KCNH5: variants seen among roughly 807,000 people sequenced by gnomAD.
KCNH5 encodes the protein potassium voltage-gated channel subfamily H member 5, also known as voltage-gated delayed rectifier potassium channel KCNH5.
KCNH5 carries 46 observed loss-of-function variants against 96.1 expected under a neutral mutation model. The observed-to-expected ratio is 0.48, with a 90% CI of 0.38 to 0.61. The LOEUF (loss-of-function observed/expected upper bound fraction) is 0.61. KCNH5 is among the 20% of genes least tolerant of loss of function. The probability of loss-of-function intolerance (pLI) is 0.00; values close to 1 mark genes in which losing one functional copy is unlikely to be tolerated. For synonymous variants in KCNH5, 439 were observed against 449.8 expected (o/e 0.98, Z 0.30); for missense variants, 907 against 1,225.8 (o/e 0.74, Z 3.88).
At chr14:62,963,270 G>A (rs1449936398) in intron 6 of KCNH5, among the ~76,000 whole-genome samples, 2 of 152,076 alleles carry the variant, frequency 1.3e-5, no homozygotes, top group African/African-American at 4.8e-5. Flanking sequence ...GTCTGTATAG[G>A]AGAAAGCATA....
chr14:62,861,637 TAC>T (rs142699720), intron 7 of KCNH5, among the ~76,000 whole-genome samples: 11,784 of 141,674 alleles, frequency 0.083, 731 homozygotes, highest in African/African-American at 0.18. Flanking sequence ...CATCTCCATT[TAC>T]ACACACACAC....
At chr14:62,770,857 T>C (rs922564001) in intron 10 of KCNH5, among the ~76,000 whole-genome samples, 4 of 152,214 alleles carry the variant, frequency 2.6e-5, no homozygotes, top group African/African-American at 9.6e-5. Flanking sequence ...TAAAACTTGG[T>C]TGTTACAGAC....
At chr14:62,976,236 T>C (rs1460891743) in intron 6 of KCNH5, among the ~76,000 whole-genome samples, 1 of 151,536 alleles carries the variant, frequency 6.6e-6, no homozygotes, top group Non-Finnish European at 1.5e-5. Context: ...CTGTCTCTAC[T>C]AAAAATACAA....
At chr14:62,840,302 G>A (rs911627731) in intron 8 of KCNH5, among the ~76,000 whole-genome samples, 8 of 152,028 alleles carry the variant, frequency 5.3e-5, no homozygotes, top group African/African-American at 1.7e-4. Context: ...GAGAAATAAG[G>A]AAGGTTGCTA....
intron 10 of KCNH5, among the ~76,000 whole-genome samples, chr14:62,752,097 C>T (rs1258257251): frequency 1.3e-5 from 2 of 152,170 alleles, no homozygotes; most frequent in African/African-American, 4.8e-5. Flanking sequence ...TCTCTCCTCC[C>T]CAAGTCCTGA....
intron 1 of KCNH5, among the ~76,000 whole-genome samples, chr14:63,036,379 G>A (rs771896530): frequency 6.6e-6 from 1 of 152,036 alleles, no homozygotes; most frequent in Non-Finnish European, 1.5e-5. Context: ...GAAAGCTAAG[G>A]ACTGATAATC....
intron 6 of KCNH5, among the ~76,000 whole-genome samples, chr14:62,951,340 A>G (rs188531629): frequency 4.1e-4 from 62 of 152,348 alleles, no homozygotes; most frequent in Non-Finnish European, 6.8e-4. Context: ...TAAATCAATG[A>G]AAGTCCCATA....
At chr14:62,716,224 A>G (rs1269873497) in intron 10 of KCNH5, among the ~76,000 whole-genome samples, 1 of 152,230 alleles carries the variant, frequency 6.6e-6, no homozygotes, top group African/African-American at 2.4e-5. Flanking sequence ...GAATACAGCT[A>G]TTCCAAGGTT....
chr14:62,911,706 G>C (rs1473383543), intron 7 of KCNH5, among the ~76,000 whole-genome samples: 2 of 151,602 alleles, frequency 1.3e-5, no homozygotes, highest in African/African-American at 2.4e-5. Context: ...ATTACTGGAG[G>C]AAGGCTTTTA....
intron 1 of KCNH5, among the ~76,000 whole-genome samples, chr14:63,033,726 T>C (rs961353814): frequency 4.0e-5 from 6 of 151,466 alleles, no homozygotes; most frequent in African/African-American, 1.5e-4. Flanking sequence ...AGTCAATAAA[T>C]AGTTATAAAG....
At chr14:62,861,637 T>TACACACACACACACACACAC (rs142699720) in intron 7 of KCNH5, among the ~76,000 whole-genome samples, 2 of 141,828 alleles carry the variant, frequency 1.4e-5, no homozygotes, top group African/African-American at 5.4e-5. Context: ...CATCTCCATT[T>TACACACACACACACACACAC]ACACACACAC....
At chr14:62,774,564 C>A (rs774869831) in intron 10 of KCNH5, among the ~76,000 whole-genome samples, 6 of 152,090 alleles carry the variant, frequency 3.9e-5, no homozygotes, top group Non-Finnish European at 7.4e-5. Context: ...GTAGGTGTCA[C>A]CTGTGTTACC....
At chr14:62,999,476 A>G (rs1890971099) in intron 4 of KCNH5, among the ~76,000 whole-genome samples, 1 of 152,078 alleles carries the variant, frequency 6.6e-6, no homozygotes, top group African/African-American at 2.4e-5. Context: ...ATGCCCAACA[A>G]TGATAGACTG....
chr14:62,894,567 A>G (rs151137832), intron 7 of KCNH5, among the ~76,000 whole-genome samples: 2 of 152,306 alleles, frequency 1.3e-5, no homozygotes, highest in Non-Finnish European at 2.9e-5. Flanking sequence ...CTTTACTTAT[A>G]TCACCATATT....
At chr14:62,712,277 T>A (rs1431740132) in intron 10 of KCNH5, 1 of 175,130 alleles carries the variant, frequency 5.7e-6, no homozygotes, top group Non-Finnish European at 1.2e-5. Context: ...TGTTTTATTT[T>A]ACTTTTGACT....
At chr14:62,944,042 C>T (rs540404322) in intron 7 of KCNH5, among the ~76,000 whole-genome samples, 57 of 152,156 alleles carry the variant, frequency 3.7e-4, no homozygotes, top group African/African-American at 1.2e-3. Flanking sequence ...TAGGGGAAGG[C>T]CTATACTATT....
chr14:62,936,329 C>T (rs924636746), intron 7 of KCNH5, among the ~76,000 whole-genome samples: 1 of 152,042 alleles, frequency 6.6e-6, no homozygotes, highest in African/African-American at 2.4e-5. Context: ...GCATGTTTAT[C>T]AGCTGAAGAG....
chr14:62,952,002 T>C (rs950675314), intron 6 of KCNH5, among the ~76,000 whole-genome samples: 2 of 148,152 alleles, frequency 1.3e-5, no homozygotes, highest in African/African-American at 5.0e-5. Flanking sequence ...TAAGAATGCA[T>C]CTGGTTTGTT....
intron 10 of KCNH5, among the ~76,000 whole-genome samples, chr14:62,738,471 AATAT>A (rs1303627698): frequency 6.6e-6 from 1 of 152,158 alleles, no homozygotes; most frequent in Non-Finnish European, 1.5e-5. Flanking sequence ...AATGAGACTC[AATAT>A]TACTGGCTGA....
Sources: gnomAD v4.1 joint callset for allele counts (sites outside exome capture counted in the v4.1 genomes callset) on GRCh38, gnomAD v4.1.1 for gene constraint, MANE v1.5 for transcripts, NCBI Gene and HGNC (gene_info 2026-07-23, HGNC 2026-07-21) for gene names.